Variants in SLC25A39 observed in about 807,000 individuals in gnomAD.
SLC25A39 encodes the protein solute carrier family 25 member 39.
A neutral mutation model predicts 46.6 loss-of-function variants in SLC25A39; 44 were observed. The ratio of observed to expected loss-of-function variants is 0.94; its 90% CI spans 0.74 to 1.21. SLC25A39 has a LOEUF of 1.21. Ranked by LOEUF, SLC25A39 falls within the 50% of genes most tolerant of loss-of-function variation. SLC25A39 has a pLI of 0.00. For synonymous variants in SLC25A39, 218 were observed against 190.6 expected (o/e 1.14, Z -1.19); for missense variants, 487 against 473.0 (o/e 1.03, Z -0.28).
In SLC25A39 at chr17:44,322,303, G is replaced by A. The variant is rs111916832; in HGVS notation, c.324+116C>T. The A allele has an allele frequency of 5.9e-5, 68 of 1,159,094 alleles. 5 individuals are homozygous for A. Among genetic ancestry groups the A allele is most frequent in the African/African-American group, 5.7e-4 (37 of 65,394 alleles). 71.8% of individuals were successfully genotyped at this position (1,159,094 alleles called of 1,614,324 possible). A position where few individuals can be genotyped will look rare whatever the true frequency, so the allele number is the denominator to read the frequency against. ...GCCTTCTCCGGAAGCACTTCCTGACGGAACCGGCTACCTCTGCGTGCCTTG... is the reference window on the plus strand; with the variant it reads ...GCCTTCTCCGGAAGCACTTCCTGACAGAACCGGCTACCTCTGCGTGCCTTG... On this transcript the variant is annotated intron_variant, in intron 5 of 11. Transcript: ENST00000377095.
chr17:44,320,109 A>C lies in SLC25A39; in HGVS notation c.972T>G (p.Leu324=), dbSNP rs1181859159. ...AGGGGGCAGCCTTGATGATCCGAGG[A>C]AGGAAGCCTGCAGTGGAAAGGAGGC... ...SGTKGLFAGF[L]PRIIKAAPSC... Residue 324 remains leucine, a synonymous_variant, in exon 12 of 12, where the codon CTT becomes CTG. Transcript: ENST00000377095. 6.2e-7 allele frequency: 1 copy of C among 1,613,894 alleles called. No individual in the cohort carries two copies. Among genetic ancestry groups the C allele is most frequent in the Non-Finnish European group, 8.5e-7 (1 of 1,180,014 alleles).
intron 8 of SLC25A39, 38 bp from the exon 9 acceptor site, chr17:44,320,769 G>A (rs773888696): frequency 1.3e-6 from 2 of 1,512,682 alleles, no homozygotes; most frequent in African/African-American, 1.4e-5. Context: ...GACGGGAAGG[G>A]CAAGGAAGTG....
chr17:44,323,542 C>T lies in SLC25A39; in HGVS notation c.21G>A (p.Ala7=), dbSNP rs1273253088. ...CCATTTGCTGGAGGGGGCTGATGCC[C>T]GCAGGGTCCTGGTCAGCCATCTTGA... MADQDP[A]GISPLQQMVA... is the part of the protein sequence containing the mutation. Residue 7 remains alanine, a synonymous_variant, in exon 2 of 12, where the codon GCG becomes GCA. Coordinates refer to ENST00000377095, the MANE Select transcript of SLC25A39 (RefSeq NM_001143780.3). The T allele has an allele frequency of 3.2e-6, 5 of 1,576,418 alleles. No individual in the cohort carries two copies. In the East Asian group the frequency reaches 7.0e-5, roughly 22 times the overall value.
chr17:44,323,513 G>A lies in SLC25A39; in HGVS notation c.50C>T (p.Ala17Val), dbSNP rs1196956862. ...GGTAACCACAGCCCCGGTGCCTGAGGCCACCATTTGCTGGAGGGGGCTGAT... is the reference window on the plus strand; with the variant it reads ...GGTAACCACAGCCCCGGTGCCTGAGACCACCATTTGCTGGAGGGGGCTGAT... Reference protein sequence around the residue: ...AGISPLQQMVASGTGAVVTSL... With the variant: ...AGISPLQQMVVSGTGAVVTSL... Residue 17 changes from alanine to valine, a missense_variant, in exon 2 of 12, where the codon GCC (alanine) becomes GTC (valine). Physicochemically the swap from Ala to Val is moderately conservative, Grantham distance 64. Transcript: ENST00000377095. 5.1e-6 allele frequency: 8 copies of A among 1,583,088 alleles called. No individual in the cohort carries two copies. The highest frequency in any genetic ancestry group is 4.6e-5 in the East Asian group (2 of 43,282).
chr17:44,321,269 G>A (rs764768678), intron 7 of SLC25A39, 38 bp from the exon 8 acceptor site: 84 of 1,587,414 alleles, frequency 5.3e-5, no homozygotes, highest in East Asian at 2.7e-4. Flanking sequence ...GGAGAAGTGA[G>A]ATCACAGGTC....
Position 44,322,542 on chromosome 17 carries a change from AGAG to A in SLC25A39, c.198_200del (p.Ser67del). On this transcript the variant is annotated inframe_deletion, in exon 5 of 12. Transcript: ENST00000377095. ...GGAGGCACTTCCCTGTGGATTGGAG[AGAG>A]GAGGGCACTGGGGAAAGGCAGGGGG... is the stretch of plus-strand genomic sequence containing the variant. 6.2e-7 allele frequency: 1 copy of A among 1,613,984 alleles called. No individual in the cohort carries two copies. Among genetic ancestry groups the A allele is most frequent in the Non-Finnish European group, 8.5e-7 (1 of 1,179,966 alleles).
intron 8 of SLC25A39, 138 bp from the exon 9 acceptor site, chr17:44,320,869 AG>A: frequency 1.0e-6 from 1 of 955,176 alleles, no homozygotes; most frequent in South Asian, 1.6e-5. Flanking sequence ...GGCACTCTGT[AG>A]GAATTAATCT....
chr17:44,321,885 C>A (rs2048053270), intron 5 of SLC25A39, 118 bp from the exon 6 acceptor site: 2 of 991,278 alleles, frequency 2.0e-6, no homozygotes, highest in Non-Finnish European at 3.0e-6. Flanking sequence ...AGCCCTCAGG[C>A]CTCCCTGCCT....
intron 5 of SLC25A39, 54 bp from the exon 6 acceptor site, chr17:44,321,821 T>C: frequency 1.3e-6 from 2 of 1,563,432 alleles, no homozygotes; most frequent in South Asian, 1.2e-5. Flanking sequence ...GTGATGTCTG[T>C]GATGGGGCTG....
rs146803643 is a variant in SLC25A39 at position 44,321,224 on chromosome 17, G to A, written c.525C>T (p.Thr175=). The A allele has an allele frequency of 1.5e-3, 2,446 of 1,605,864 alleles. 9 individuals are homozygous for A. Among genetic ancestry groups the A allele is most frequent in the South Asian group, 6.1e-3 (545 of 89,826 alleles). Residue 175 remains threonine, a synonymous_variant, in exon 8 of 12, where the codon ACC becomes ACT. Transcript: ENST00000377095. The part of the protein sequence containing the change: ...MVAGALARLG[T]VTVISPLELM... ...GCTCCAGGGGGCTGATCACAGTCAC[G>A]GTGCCCACTGTGTGGGGATTGGGGG... is the stretch of plus-strand genomic sequence containing the variant.
intron 1 of SLC25A39, chr17:44,323,885 C>T (rs1454405962): frequency 2.9e-6 from 1 of 350,330 alleles, no homozygotes; most frequent in Non-Finnish European, 5.3e-6. Context: ...CGTGATCCGC[C>T]CGCCTCAGCC....
chr17:44,322,709 T>C (rs942928351), intron 4 of SLC25A39, 99 bp downstream of exon 4: 3 of 1,581,020 alleles, frequency 1.9e-6, no homozygotes, highest in East Asian at 4.5e-5. Context: ...GAGTATATGC[T>C]AGTCCATGGC....
In SLC25A39 at chr17:44,322,435, C is replaced by A; in HGVS notation, c.308G>T (p.Arg103Leu). The A allele has an allele frequency of 6.2e-7, 1 of 1,614,086 alleles. No individual in the cohort carries two copies. The highest frequency in any genetic ancestry group is 8.5e-7 in the Non-Finnish European group (1 of 1,180,002). The change falls in exon 5 of 12, where the codon CGC (arginine) becomes CTC (leucine). Residue 103 changes from arginine to leucine, a missense_variant. Physicochemically the swap from Arg to Leu is moderately radical, Grantham distance 102 (BLOSUM62 -2). Transcript: ENST00000377095. ...GCTCCTCACCATGGTGCCAGTGAAG[C>A]GGGTAGGGTCTTGAAACCAGGTGGC... is the stretch of plus-strand genomic sequence containing the variant. ...RCATWFQDPT[R>L]FTGTMDAFVK...
intron 3 of SLC25A39, 110 bp from the exon 4 acceptor site, chr17:44,322,962 G>A (rs1286251493): frequency 2.1e-5 from 25 of 1,195,646 alleles, no homozygotes; most frequent in Middle Eastern, 2.7e-4. Flanking sequence ...TTGCTCTGTC[G>A]CCCACCCTGG....
intron 1 of SLC25A39, 78 bp from the exon 2 acceptor site, chr17:44,323,655 T>C: frequency 1.9e-6 from 2 of 1,063,798 alleles, no homozygotes; most frequent in Non-Finnish European, 2.7e-6. Context: ...GACTTTTGTT[T>C]TGAGACGGCG....
At chr17:44,322,297 C>T in intron 5 of SLC25A39, 122 bp downstream of exon 5, 2 of 1,079,064 alleles carry the variant, frequency 1.9e-6, no homozygotes, top group Non-Finnish European at 2.7e-6. Context: ...GGAAGCACTT[C>T]CTGACGGAAC....
intron 9 of SLC25A39, 77 bp from the exon 10 acceptor site, chr17:44,320,513 C>G (rs1376690883): frequency 6.3e-7 from 1 of 1,594,518 alleles, no homozygotes; most frequent in African/African-American, 1.3e-5. Context: ...GCTCTTGCGG[C>G]TGGGAGGGAC....
At position 44,320,453 on chromosome 17, in the gene SLC25A39, G is replaced by A. The variant is rs545826495; in HGVS notation, c.802-17C>T. The A allele has an allele frequency of 6.2e-7, 1 of 1,613,242 alleles. No individual in the cohort carries two copies. The highest frequency in any genetic ancestry group is 2.2e-5 in the East Asian group (1 of 44,878). ...TGCAGCCACCTGGTGGGGTGGGCGG[G>A]GAGAGGGCTCAGCTCCACTTCCTGG... On this transcript the variant is annotated splice_polypyrimidine_tract_variant and intron_variant, in intron 9 of 11. Coordinates refer to ENST00000377095, the MANE Select transcript of SLC25A39 (RefSeq NM_001143780.3).
At chr17:44,323,439 A>AGACCCCCCCCCCCC in intron 2 of SLC25A39, 39 bp downstream of exon 2, 1 of 257,100 alleles carries the variant, frequency 3.9e-6, no homozygotes, top group Non-Finnish European at 5.7e-6. Flanking sequence ...GGTCTGCCCC[A>AGACCCCCCCCCCCC]TCCCCACCCG....
Sources: allele counts gnomAD v4.1 joint callset, GRCh38; gene constraint gnomAD v4.1.1; transcripts MANE v1.5; gene names NCBI Gene and HGNC (gene_info 2026-07-23, HGNC 2026-07-21).